Variants in OLFM2 observed in about 807,000 individuals in gnomAD.
OLFM2 encodes olfactomedin 2.
Under a neutral mutation model 43.9 loss-of-function variants are expected in OLFM2, and 20 were observed. The ratio of observed to expected loss-of-function variants is 0.46; its 90% CI spans 0.32 to 0.66. The LOEUF is 0.66. OLFM2 is among the 30% of genes least tolerant of loss of function. The pLI, the probability that OLFM2 is intolerant of heterozygous loss-of-function variation, is 0.04. For synonymous variants in OLFM2, 268 were observed against 278.6 expected (o/e 0.96, Z 0.38); for missense variants, 416 against 643.6 (o/e 0.65, Z 3.83).
chr19:9,884,163 G>A (rs998878570), intron 1 of OLFM2, among the ~76,000 whole-genome samples: 1 of 151,866 alleles, frequency 6.6e-6, no homozygotes. Flanking sequence ...CAGCTACTTG[G>A]GAGGCTGAAA....
chr19:9,886,197 G>GGTTTTT (rs923627276), intron 1 of OLFM2, among the ~76,000 whole-genome samples: 3 of 151,996 alleles, frequency 2.0e-5, no homozygotes, highest in Admixed American at 6.6e-5. Flanking sequence ...AACCTAAGAG[G>GGTTTTT]GTTTTTGTTT....
At chr19:9,895,347 T>C (rs1208248690) in intron 1 of OLFM2, among the ~76,000 whole-genome samples, 1 of 151,894 alleles carries the variant, frequency 6.6e-6, no homozygotes, top group East Asian at 1.9e-4. Flanking sequence ...TTTTTTTTAA[T>C]TAGCGGGGTG....
At chr19:9,888,313 G>A (rs1279058243) in intron 1 of OLFM2, among the ~76,000 whole-genome samples, 2 of 151,448 alleles carry the variant, frequency 1.3e-5, no homozygotes, top group Non-Finnish European at 2.9e-5. Flanking sequence ...ATTTGAGGTC[G>A]GGAGTTCGAG....
At position 9,894,414 on chromosome 19, in the gene OLFM2, A is replaced by AT. The variant is rs58924577; in HGVS notation, c.64-33621_64-33620insA. Among the ~76,000 whole-genome samples, 4 of 28,286 alleles carry AT rather than the reference A, an allele frequency of 1.4e-4. No homozygotes were observed. In the East Asian group the frequency reaches 2.3e-3, roughly 16 times the overall value. 18.6% of individuals were successfully genotyped at this position (28,286 alleles called of 152,430 possible). On this transcript the variant is annotated intron_variant, in intron 1 of 5. Transcript: ENST00000264833. ...AATAATAATAATAATAATAATAATA[A>AT]ATAAATAAAATAAAGCCAGGTGCAG...
intron 1 of OLFM2, among the ~76,000 whole-genome samples, chr19:9,894,431 C>T (rs2046665484): frequency 7.4e-6 from 1 of 134,356 alleles, no homozygotes; most frequent in Admixed American, 7.6e-5. Context: ...AAAATAAAGC[C>T]AGGTGCAGTG....
intron 1 of OLFM2, among the ~76,000 whole-genome samples, chr19:9,866,676 T>C (rs2046404522): frequency 6.6e-6 from 1 of 151,844 alleles, no homozygotes. Flanking sequence ...TTTTTTTTGG[T>C]AGAGACGGGG....
At chr19:9,907,656 G>T (rs761117736) in intron 1 of OLFM2, among the ~76,000 whole-genome samples, 2 of 152,054 alleles carry the variant, frequency 1.3e-5, no homozygotes, top group Non-Finnish European at 2.9e-5. Context: ...AATCCCAGAG[G>T]TAGAGACAGA....
chr19:9,884,682 G>A (rs2145458629), intron 1 of OLFM2, among the ~76,000 whole-genome samples: 1 of 152,256 alleles, frequency 6.6e-6, no homozygotes. Flanking sequence ...ATAGGTCTGT[G>A]TTCCTTCCTG....
chr19:9,902,923 C>T (rs2046753203), intron 1 of OLFM2, among the ~76,000 whole-genome samples: 1 of 152,044 alleles, frequency 6.6e-6, no homozygotes, highest in African/African-American at 2.4e-5. Flanking sequence ...AGTGATCCTC[C>T]TGCCTTGGCC....
At chr19:9,867,657 A>G (rs775148119) in intron 1 of OLFM2, among the ~76,000 whole-genome samples, 1 of 152,190 alleles carries the variant, frequency 6.6e-6, no homozygotes, top group South Asian at 2.1e-4. Context: ...AAAATACCAT[A>G]AGATAGCGCC....
intron 1 of OLFM2, among the ~76,000 whole-genome samples, chr19:9,916,312 G>C (rs930323385): frequency 2.6e-5 from 4 of 152,040 alleles, no homozygotes; most frequent in African/African-American, 9.7e-5. Flanking sequence ...AGCCAAGATC[G>C]AGCCACTGCA....
intron 1 of OLFM2, among the ~76,000 whole-genome samples, chr19:9,882,487 A>G (rs1405435056): frequency 6.6e-6 from 1 of 150,894 alleles, no homozygotes; most frequent in South Asian, 2.1e-4. Context: ...GCAGTGAGCC[A>G]AGACCGCACC....
At chr19:9,867,807 A>G (rs1328599583) in intron 1 of OLFM2, among the ~76,000 whole-genome samples, 2 of 152,204 alleles carry the variant, frequency 1.3e-5, no homozygotes, top group African/African-American at 4.8e-5. Flanking sequence ...CTTTGTGGAC[A>G]GCATCTGATT....
chr19:9,905,135 A>G (rs922343340), intron 1 of OLFM2, among the ~76,000 whole-genome samples: 1 of 151,978 alleles, frequency 6.6e-6, no homozygotes, highest in African/African-American at 2.4e-5. Context: ...CAGCTTGGCC[A>G]ATATGTTGAA....
intron 1 of OLFM2, among the ~76,000 whole-genome samples, chr19:9,925,518 G>A (rs1267062995): frequency 6.6e-6 from 1 of 151,906 alleles, no homozygotes; most frequent in Non-Finnish European, 1.5e-5. Flanking sequence ...GTACAATCAT[G>A]GCGCACTGCA....
intron 1 of OLFM2, among the ~76,000 whole-genome samples, chr19:9,910,583 C>A (rs563672193): frequency 5.9e-5 from 9 of 152,128 alleles, no homozygotes; most frequent in African/African-American, 2.2e-4. Flanking sequence ...GGAATAAATA[C>A]AATGGATGGA....
chr19:9,872,455 C>T (rs1489126787), intron 1 of OLFM2, among the ~76,000 whole-genome samples: 1 of 151,646 alleles, frequency 6.6e-6, no homozygotes, highest in Non-Finnish European at 1.5e-5. Flanking sequence ...GCAGAGGTTG[C>T]AGTGAGCCGA....
At chr19:9,870,990 C>T (rs928734528) in intron 1 of OLFM2, among the ~76,000 whole-genome samples, 3 of 152,082 alleles carry the variant, frequency 2.0e-5, no homozygotes, top group African/African-American at 7.2e-5. Context: ...TAAGACCAGA[C>T]CGGGCCCAGT....
At chr19:9,900,980 A>G (rs1312415063) in intron 1 of OLFM2, among the ~76,000 whole-genome samples, 3 of 39,460 alleles carry the variant, frequency 7.6e-5, no homozygotes, top group Admixed American at 5.1e-4. Context: ...GGAAGGAAGG[A>G]AGGAAGGAAG....
Sources: allele counts gnomAD v4.1 joint callset (sites outside exome capture counted in the v4.1 genomes callset), GRCh38; gene constraint gnomAD v4.1.1; transcripts MANE v1.5; gene names NCBI Gene and HGNC (gene_info 2026-07-23, HGNC 2026-07-21).